TTC7B: variants seen among roughly 807,000 people sequenced by gnomAD.
TTC7B encodes tetratricopeptide repeat domain 7B, also known as tetratricopeptide repeat protein 7B.
In TTC7B, 28 loss-of-function variants were observed where a neutral mutation model predicts 106.8. The observed-to-expected ratio is 0.26, with a 90% confidence interval of 0.19 to 0.36. The LOEUF (loss-of-function observed/expected upper bound fraction) is 0.36. Among genes scored for constraint, TTC7B ranks in the 10% least tolerant of loss-of-function variants. The pLI is 1.00. For missense variants in TTC7B, 862 were observed against 1,076.4 expected (o/e 0.80, Z 2.79); for synonymous variants, 405 against 430.6 (o/e 0.94, Z 0.74).
intron 5 of TTC7B, among the ~76,000 whole-genome samples, chr14:90,726,910 G>A (rs780650059): frequency 4.6e-5 from 7 of 152,164 alleles, no homozygotes; most frequent in African/African-American, 9.7e-5. Flanking sequence ...TTCCAAGTCA[G>A]ACCGCGCCCA....
intron 6 of TTC7B, among the ~76,000 whole-genome samples, chr14:90,691,430 T>C (rs961219480): frequency 6.6e-6 from 1 of 152,216 alleles, no homozygotes; most frequent in Non-Finnish European, 1.5e-5. Context: ...CATTTGGTTA[T>C]GTCCACTGAA....
At chr14:90,557,298 G>A (rs1890356287) in intron 19 of TTC7B, among the ~76,000 whole-genome samples, 1 of 152,184 alleles carries the variant, frequency 6.6e-6, no homozygotes, top group African/African-American at 2.4e-5. Context: ...CAGGAGAGCA[G>A]GGCTGGGAGA....
chr14:90,695,660 G>C, intron 5 of TTC7B, 82 bp from the exon 6 acceptor site: 1 of 850,698 alleles, frequency 1.2e-6, no homozygotes, highest in South Asian at 2.1e-5. Flanking sequence ...AATGCATTTT[G>C]TCTGCATAAA....
intron 5 of TTC7B, 52 bp downstream of exon 5, chr14:90,730,022 CT>C (rs1271729429): frequency 2.6e-6 from 4 of 1,559,676 alleles, no homozygotes; most frequent in Non-Finnish European, 1.7e-6. Flanking sequence ...CATTGTAAGG[CT>C]TTCTACTTTC....
intron 4 of TTC7B, among the ~76,000 whole-genome samples, chr14:90,738,784 C>T (rs1011640210): frequency 2.0e-5 from 3 of 152,188 alleles, no homozygotes; most frequent in African/African-American, 7.2e-5. Context: ...ACAGCTTATA[C>T]ACAACAATAC....
intron 3 of TTC7B, among the ~76,000 whole-genome samples, chr14:90,770,405 C>T (rs1890825037): frequency 6.6e-6 from 1 of 152,088 alleles, no homozygotes; most frequent in South Asian, 2.1e-4. Flanking sequence ...GCCTGTAATC[C>T]CATCACTTTA....
At chr14:90,790,338 T>C (rs1595375131) in intron 1 of TTC7B, among the ~76,000 whole-genome samples, 1 of 152,084 alleles carries the variant, frequency 6.6e-6, no homozygotes, top group East Asian at 1.9e-4. Context: ...GAAGTATATA[T>C]ACCAGGATAT....
At chr14:90,629,945 G>C (rs1437887383) in intron 15 of TTC7B, among the ~76,000 whole-genome samples, 1 of 152,182 alleles carries the variant, frequency 6.6e-6, no homozygotes, top group Non-Finnish European at 1.5e-5. Flanking sequence ...AAAGGAAGCA[G>C]AATATCCCAT....
At chr14:90,622,539 G>A (rs1884253012) in intron 15 of TTC7B, among the ~76,000 whole-genome samples, 1 of 151,744 alleles carries the variant, frequency 6.6e-6, no homozygotes, top group Non-Finnish European at 1.5e-5. Flanking sequence ...GACCAGCCTG[G>A]GCAACATGGT....
chr14:90,697,918 T>C (rs1436984846), intron 5 of TTC7B: 1 of 152,252 alleles, frequency 6.6e-6, no homozygotes, highest in Admixed American at 6.5e-5. Flanking sequence ...GAGTTTAAGA[T>C]TCAGAAGCAA....
Position 90,585,427 on chromosome 14 carries a change from G to C in TTC7B, c.2108-7119C>G, listed in dbSNP as rs1053603354. On this transcript the variant is annotated intron_variant, in intron 18 of 19. Coordinates refer to ENST00000328459, the MANE Select transcript of TTC7B (RefSeq NM_001010854.2). ...GTCAGAAGCCAGCCAAGTGGACCCCGAGCCTCTTCTGGCCACCAAACCAAC... is the reference window on the plus strand; with the variant it reads ...GTCAGAAGCCAGCCAAGTGGACCCCCAGCCTCTTCTGGCCACCAAACCAAC... Among the ~76,000 whole-genome samples the C allele has an allele frequency of 2.0e-5, 3 of 152,264 alleles. No homozygotes were observed. The East Asian group carries it at 5.8e-4, about 29-fold the overall frequency.
At chr14:90,795,318 C>T (rs143533341) in intron 1 of TTC7B, among the ~76,000 whole-genome samples, 92 of 152,338 alleles carry the variant, frequency 6.0e-4, no homozygotes, top group Middle Eastern at 3.4e-3. Flanking sequence ...GAGCCCACTA[C>T]GGCCTTGAGA....
At chr14:90,720,107 G>C (rs1888833005) in intron 5 of TTC7B, among the ~76,000 whole-genome samples, 3 of 151,224 alleles carry the variant, frequency 2.0e-5, no homozygotes. Context: ...CTTCCAATGT[G>C]GCCCAGGGAA....
Position 90,541,458 on chromosome 14 carries a change from A to C in TTC7B, c.2442T>G (p.Asp814Glu). The change falls in exon 20 of 20, where the codon GAT (aspartate) becomes GAG (glutamate). Residue 814 changes from aspartate (D) to glutamate (E), a missense_variant. Asp to Glu is a conservative substitution (Grantham distance 45). Coordinates refer to ENST00000328459, the MANE Select transcript of TTC7B (RefSeq NM_001010854.2). ...TCAGGAAGCACTCCGTAGCCGCCGC[A>C]TCGTTGCCCTGAGCTTGGAGGACCT... ...LGEVLQAQGN[D>E]AAATECFLTA... The C allele has an allele frequency of 6.2e-7, 1 of 1,614,006 alleles. No homozygotes were observed. Among genetic ancestry groups the C allele is most frequent in the Non-Finnish European group, 8.5e-7 (1 of 1,179,978 alleles).
intron 19 of TTC7B, among the ~76,000 whole-genome samples, chr14:90,565,399 CTTTT>C (rs35307541): frequency 9.3e-6 from 1 of 107,590 alleles, no homozygotes; most frequent in Non-Finnish European, 1.9e-5. Context: ...TCCTTTCTAG[CTTTT>C]TTTTTTTTTT....
chr14:90,703,949 G>A (rs767452977), intron 5 of TTC7B, among the ~76,000 whole-genome samples: 20 of 152,296 alleles, frequency 1.3e-4, no homozygotes, highest in Non-Finnish European at 2.1e-4. Flanking sequence ...GGTTGAGGAG[G>A]CTCATGAGAA....
intron 3 of TTC7B, 145 bp from the exon 4 acceptor site, chr14:90,745,067 G>C (rs1889910482): frequency 2.5e-6 from 2 of 799,614 alleles, no homozygotes; most frequent in Non-Finnish European, 3.9e-6. Flanking sequence ...TTTCAATCTG[G>C]ATGCTTTTTA....
rs1367872530 is a variant in TTC7B, at chr14:90,793,939, A to G, written c.122-7611T>C. Among the ~76,000 whole-genome samples the G allele has an allele frequency of 4.2e-5, 6 of 141,412 alleles. No individual in the cohort carries two copies. In the East Asian group the frequency reaches 1.1e-3, roughly 26 times the overall value. 92.8% of individuals were successfully genotyped at this position (141,412 alleles called of 152,430 possible). On this transcript the variant is annotated intron_variant, in intron 1 of 19. Coordinates refer to ENST00000328459, the MANE Select transcript of TTC7B (RefSeq NM_001010854.2). The stretch of plus-strand genomic sequence containing the variant: ...GTTTTCTTCGAAACAGTCTCATTCT[A>G]TCACCCAGGCTGGAGTGCAGTGGCA...
chr14:90,661,274 A>T (rs959230410), intron 9 of TTC7B, among the ~76,000 whole-genome samples: 1 of 152,204 alleles, frequency 6.6e-6, no homozygotes, highest in Non-Finnish European at 1.5e-5. Context: ...GACACCAAGC[A>T]GCAGACCTGG....
Sources: gnomAD v4.1 joint callset for allele counts (sites outside exome capture counted in the v4.1 genomes callset) on GRCh38, gnomAD v4.1.1 for gene constraint, MANE v1.5 for transcripts, NCBI Gene and HGNC (gene_info 2026-07-23, HGNC 2026-07-21) for gene names.